Variants in PTPRM observed in about 807,000 individuals in gnomAD.
PTPRM encodes the protein protein tyrosine phosphatase receptor type M, also known as receptor-type tyrosine-protein phosphatase mu.
A neutral mutation model predicts 186.7 loss-of-function variants in PTPRM; 47 were observed. That is an observed-to-expected ratio of 0.25 (90% CI 0.20 to 0.32). PTPRM has a LOEUF of 0.32. Among genes scored for constraint, PTPRM ranks in the 10% least tolerant of loss-of-function variants. PTPRM has a pLI of 1.00. For missense variants in PTPRM, 1,494 were observed against 1,865.0 expected, an observed-to-expected ratio of 0.80 and a Z score of 3.66; for synonymous variants, 668 against 674.9, an observed-to-expected ratio of 0.99 and a Z score of 0.16.
chr18:7,785,890 A>C (rs1055122129), intron 2 of PTPRM, among the ~76,000 whole-genome samples: 2 of 152,210 alleles, frequency 1.3e-5, no homozygotes, highest in East Asian at 1.9e-4. Flanking sequence ...GGGTGTCTCA[A>C]ATATAAAGAT....
intron 1 of PTPRM, among the ~76,000 whole-genome samples, chr18:7,633,634 A>G (rs560075011): frequency 5.7e-4 from 86 of 152,198 alleles, no homozygotes; most frequent in African/African-American, 1.7e-3. Flanking sequence ...TGCTCTCTCT[A>G]TCTGGCAGAG....
chr18:8,198,995 C>G (rs2093816906), intron 14 of PTPRM, among the ~76,000 whole-genome samples: 1 of 152,024 alleles, frequency 6.6e-6, no homozygotes, highest in African/African-American at 2.4e-5. Context: ...TGGCCAGACC[C>G]TCCTCAGATG....
chr18:8,296,152 G>A (rs530412980), intron 19 of PTPRM, among the ~76,000 whole-genome samples: 8 of 152,276 alleles, frequency 5.3e-5, no homozygotes, highest in Admixed American at 2.6e-4. Context: ...TTCCATCCCT[G>A]TGTTTGTAAG....
chr18:8,355,698 A>C (rs1417494515), intron 23 of PTPRM, among the ~76,000 whole-genome samples: 1 of 152,342 alleles, frequency 6.6e-6, no homozygotes, highest in East Asian at 1.9e-4. Context: ...CTGATGGCCT[A>C]TCTGAGTTCT....
intron 1 of PTPRM, among the ~76,000 whole-genome samples, chr18:7,655,488 A>G (rs1354805892): frequency 6.6e-6 from 1 of 152,264 alleles, no homozygotes; most frequent in Non-Finnish European, 1.5e-5. Context: ...TTCAGAAAGC[A>G]GTCTGGCAGT....
intron 7 of PTPRM, 70 bp from the exon 8 acceptor site, chr18:8,069,615 AC>A (rs959971924): frequency 5.2e-6 from 7 of 1,339,890 alleles, no homozygotes; most frequent in Non-Finnish European, 7.2e-6. Flanking sequence ...AATATCTGTG[AC>A]CTTTGGGATT....
chr18:8,376,296 GGGTGATGATT>G, intron 25 of PTPRM, 96 bp downstream of exon 25: 4 of 1,543,756 alleles, frequency 2.6e-6, no homozygotes, highest in Non-Finnish European at 3.5e-6. Context: ...AACTTCAGAG[GGGTGATGATT>G]GCACAACATT....
chr18:8,158,862 G>A (rs2093174539), intron 14 of PTPRM, among the ~76,000 whole-genome samples: 1 of 152,140 alleles, frequency 6.6e-6, no homozygotes. Context: ...TGTGAACTGA[G>A]TAGGAACTCA....
chr18:7,810,348 T>C (rs2044445355), intron 2 of PTPRM, among the ~76,000 whole-genome samples: 1 of 152,242 alleles, frequency 6.6e-6, no homozygotes, highest in South Asian at 2.1e-4. Flanking sequence ...GTTACTGTGC[T>C]AACTGTGAGG....
chr18:8,394,942 C>G (rs954016219), intron 32 of PTPRM, among the ~76,000 whole-genome samples: 1 of 152,030 alleles, frequency 6.6e-6, no homozygotes, highest in African/African-American at 2.4e-5. Flanking sequence ...AATCATAGTA[C>G]GTGAAATGCC....
At chr18:8,148,630 T>G (rs1568423776) in intron 14 of PTPRM, among the ~76,000 whole-genome samples, 4 of 152,122 alleles carry the variant, frequency 2.6e-5, no homozygotes, top group African/African-American at 7.2e-5. Context: ...TTTTGAAGGG[T>G]TTTTCGTGTC....
chr18:8,400,227 A>T (rs780957704), intron 32 of PTPRM, among the ~76,000 whole-genome samples: 1 of 152,188 alleles, frequency 6.6e-6, no homozygotes, highest in African/African-American at 2.4e-5. Context: ...CACTGAAGTC[A>T]TCTGGGAGCT....
At chr18:7,645,122 A>G (rs915206389) in intron 1 of PTPRM, among the ~76,000 whole-genome samples, 2 of 152,208 alleles carry the variant, frequency 1.3e-5, no homozygotes, top group Non-Finnish European at 2.9e-5. Flanking sequence ...CTAAAACTCT[A>G]CAAAATTTGT....
intron 1 of PTPRM, among the ~76,000 whole-genome samples, chr18:7,607,715 T>C (rs1298657539): frequency 6.6e-6 from 1 of 152,228 alleles, no homozygotes; most frequent in East Asian, 1.9e-4. Context: ...CGTGCTAGGC[T>C]GCTGAGTGCT....
intron 2 of PTPRM, among the ~76,000 whole-genome samples, chr18:7,793,404 A>G (rs2043443756): frequency 6.6e-6 from 1 of 152,202 alleles, no homozygotes; most frequent in African/African-American, 2.4e-5. Flanking sequence ...GCAGAATCCA[A>G]TTAATCATTT....
At chr18:7,590,612 G>A (rs2037100987) in intron 1 of PTPRM, among the ~76,000 whole-genome samples, 1 of 152,134 alleles carries the variant, frequency 6.6e-6, no homozygotes, top group Non-Finnish European at 1.5e-5. Context: ...TTAAATCCTG[G>A]TATATTCATG....
chr18:8,308,457 CACTAA>C (rs1271537452), intron 20 of PTPRM, among the ~76,000 whole-genome samples: 7 of 152,274 alleles, frequency 4.6e-5, no homozygotes, highest in Non-Finnish European at 1.0e-4. Context: ...CTAATAGCCA[CACTAA>C]GTAACAGAAA....
At chr18:7,706,450 T>A (rs1408658945) in intron 1 of PTPRM, among the ~76,000 whole-genome samples, 1 of 151,200 alleles carries the variant, frequency 6.6e-6, no homozygotes, top group Non-Finnish European at 1.5e-5. Context: ...ATAAAAAAAA[T>A]TAGCCAAGAG....
chr18:8,206,268 A>ATTTTTTTTTTTTTTTTTTTTTTTTTTTT (rs1238112461), intron 14 of PTPRM, among the ~76,000 whole-genome samples: 1 of 148,988 alleles, frequency 6.7e-6, no homozygotes, highest in African/African-American at 2.6e-5. Flanking sequence ...ATTTTATTTT[A>ATTTTTTTTTTTTTTTTTTTTTTTTTTTT]TTTTGAGACG....
Sources: gnomAD v4.1 joint callset for allele counts (sites outside exome capture counted in the v4.1 genomes callset) on GRCh38, gnomAD v4.1.1 for gene constraint, MANE v1.5 for transcripts, NCBI Gene and HGNC (gene_info 2026-07-23, HGNC 2026-07-21) for gene names.